MGST1: variants seen among roughly 807,000 people sequenced by gnomAD.
MGST1 encodes microsomal glutathione S-transferase 1.
In MGST1, 5 loss-of-function variants were observed where a neutral mutation model predicts 8.9. The ratio of observed to expected loss-of-function variants is 0.56; its 90% CI spans 0.29 to 1.19. The LOEUF (loss-of-function observed/expected upper bound fraction) is 1.19. Ranked by LOEUF, MGST1 falls within the 50% of genes most tolerant of loss-of-function variation. The pLI is 0.08. For missense variants in MGST1, 182 were observed against 187.4 expected (o/e 0.97, Z 0.17); for synonymous variants, 54 against 67.8 (o/e 0.80, Z 1.00).
downstream of MGST1, among the ~76,000 whole-genome samples, chr12:16,591,784 C>T (rs1943502453): frequency 6.6e-6 from 1 of 152,008 alleles, no homozygotes; most frequent in Non-Finnish European, 1.5e-5. The surrounding 1 kb of genome is among the most constrained non-coding windows in gnomAD (Gnocchi z 4.1). Context: ...CAAAATATAA[C>T]CCGTGAAGCT....
At chr12:16,368,162 T>C (rs1940227302), downstream of MGST1, among the ~76,000 whole-genome samples, 1 of 152,106 alleles carries the variant, frequency 6.6e-6, no homozygotes, top group African/African-American at 2.4e-5. Flanking sequence ...ATTCAATGAT[T>C]CTAAGGCCAG....
chr12:16,401,232 T>C lies in MGST1; in HGVS notation n.778+17628T>C, dbSNP rs1017889033. ...TGTCACTAAGGAACAGGGCATAGGTTTTCTCTTCTGGCTTTTTCCCCTCCT... is the reference window on the plus strand; with the variant it reads ...TGTCACTAAGGAACAGGGCATAGGTCTTCTCTTCTGGCTTTTTCCCCTCCT... On this transcript the variant is annotated intron_variant and non_coding_transcript_variant, in intron 1 of 1. Coordinates refer to the MGST1 transcript ENST00000359720. This position sits in a 1 kb window ranked among gnomAD's most constrained non-coding sequence, Gnocchi z 4.3. 1 of 1,569,660 alleles carries C rather than the reference T, an allele frequency of 6.4e-7. No individual in the cohort carries two copies. Among genetic ancestry groups the C allele is most frequent in the Non-Finnish European group, 8.8e-7 (1 of 1,142,030 alleles).
At position 16,544,209 on chromosome 12, in the gene MGST1, TTAAG is replaced by T. The variant is rs1271924653; in HGVS notation, n.483-45314_483-45311del. On this transcript the variant is annotated intron_variant and non_coding_transcript_variant, in intron 4 of 4. Transcript: ENST00000538857. The surrounding 1 kb of genome is among the most constrained non-coding windows in gnomAD (Gnocchi z 4.8). ...AAAACAAACTTTTTAAATTGACACC[TTAAG>T]TAAGAACTACACACACACACACACA... Among the ~76,000 whole-genome samples the T allele has an allele frequency of 2.9e-5, 4 of 140,144 alleles. No homozygotes were observed. The highest frequency in any genetic ancestry group is 7.5e-5 in the Admixed American group (1 of 13,252). The allele number at this position is 140,144 out of a possible 152,430, so 91.9% of individuals were successfully genotyped here.
intron 4 of MGST1, among the ~76,000 whole-genome samples, chr12:16,475,441 A>G (rs1427981461): frequency 2.6e-5 from 4 of 152,194 alleles, no homozygotes; most frequent in Admixed American, 2.6e-4. Flanking sequence ...TTAATTATTA[A>G]TAGATTAATG....
At chr12:16,440,672 G>C (rs1305166130), downstream of MGST1, among the ~76,000 whole-genome samples, 1 of 151,780 alleles carries the variant, frequency 6.6e-6, no homozygotes, top group East Asian at 1.9e-4. Flanking sequence ...AAGCTATTCA[G>C]TTTTCAATTA....
chr12:16,519,226 G>A (rs1358043868), intron 4 of MGST1, among the ~76,000 whole-genome samples: 1 of 152,130 alleles, frequency 6.6e-6, no homozygotes, highest in African/African-American at 2.4e-5. Context: ...TAAATATTAT[G>A]CATAAAATAC....
intron 1 of MGST1, chr12:16,399,695 G>T: frequency 2.2e-6 from 3 of 1,337,506 alleles, no homozygotes; most frequent in Non-Finnish European, 3.2e-6. Context: ...AGCCCTCAGG[G>T]TCATCAACAA....
At chr12:16,521,406 TTCC>T (rs1941647744) in intron 4 of MGST1, among the ~76,000 whole-genome samples, 1 of 152,132 alleles carries the variant, frequency 6.6e-6, no homozygotes, top group Admixed American at 6.6e-5. Flanking sequence ...CATTTTCCAC[TTCC>T]TCCTCATGTT....
At chr12:16,474,463 G>C (rs181323704) in intron 4 of MGST1, among the ~76,000 whole-genome samples, 60 of 152,172 alleles carry the variant, frequency 3.9e-4, no homozygotes, top group Admixed American at 3.8e-3. Flanking sequence ...CAAGACTCTT[G>C]GATATCAATA....
chr12:16,396,459 T>G (rs1940606764), intron 1 of MGST1, among the ~76,000 whole-genome samples: 1 of 152,018 alleles, frequency 6.6e-6, no homozygotes, highest in Non-Finnish European at 1.5e-5. Context: ...GAGAAAGAAA[T>G]AAAGGGTATC....
rs1940950973 is a variant in MGST1 at position 16,432,781 on chromosome 12, C to G, written n.779-4607C>G. Among the ~76,000 whole-genome samples, 3 of 150,218 alleles carry G rather than the reference C, an allele frequency of 2.0e-5. No homozygotes were observed. The South Asian group carries it at 6.3e-4, about 32-fold the overall frequency. On this transcript the variant is annotated intron_variant and non_coding_transcript_variant, in intron 1 of 1. Coordinates refer to the MGST1 transcript ENST00000359720. The stretch of plus-strand genomic sequence containing the variant: ...TCTCCAGAGGAAAAGAATCAATAGG[C>G]TGTGTAGATAAATAGAGAAAAAGAT...
At chr12:16,553,158 C>A (rs980522502) in intron 4 of MGST1, among the ~76,000 whole-genome samples, 4 of 152,074 alleles carry the variant, frequency 2.6e-5, no homozygotes, top group African/African-American at 9.7e-5. Flanking sequence ...TACATCCAAC[C>A]TAGAAAGTAA....
At chr12:16,357,238 T>TC (rs1939757198) in intron 2 of MGST1, among the ~76,000 whole-genome samples, 1 of 152,142 alleles carries the variant, frequency 6.6e-6, no homozygotes, top group Non-Finnish European at 1.5e-5. Flanking sequence ...AGGTAGAATA[T>TC]CCCCATGTTA....
chr12:16,591,038 A>G (rs1943481423), downstream of MGST1, among the ~76,000 whole-genome samples: 1 of 152,054 alleles, frequency 6.6e-6, no homozygotes, highest in African/African-American at 2.4e-5. This position sits in a 1 kb window ranked among gnomAD's most constrained non-coding sequence, Gnocchi z 4.1. Flanking sequence ...CAACTGCCTC[A>G]CTGAATAAGC....
chr12:16,431,003 C>T (rs1940934666), intron 1 of MGST1, among the ~76,000 whole-genome samples: 1 of 152,208 alleles, frequency 6.6e-6, no homozygotes, highest in African/African-American at 2.4e-5. Context: ...ACATAACTTG[C>T]CGAAGCTTCT....
chr12:16,457,644 C>G (rs1188220941), intron 4 of MGST1, among the ~76,000 whole-genome samples: 5 of 151,806 alleles, frequency 3.3e-5, no homozygotes, highest in African/African-American at 1.2e-4. Flanking sequence ...CTTTTTCTTT[C>G]TCTAAACCTT....
At chr12:16,574,882 C>T (rs1942941987) in intron 4 of MGST1, among the ~76,000 whole-genome samples, 1 of 152,098 alleles carries the variant, frequency 6.6e-6, no homozygotes, top group South Asian at 2.1e-4. Context: ...TAGTCATTAA[C>T]AGCAGTGATA....
At chr12:16,485,643 C>A (rs1941395004) in intron 4 of MGST1, among the ~76,000 whole-genome samples, 1 of 152,144 alleles carries the variant, frequency 6.6e-6, no homozygotes, top group African/African-American at 2.4e-5. Context: ...TACCTACCCA[C>A]ATATCTCTAG....
intron 4 of MGST1, among the ~76,000 whole-genome samples, chr12:16,563,132 T>G (rs1234855480): frequency 6.6e-6 from 1 of 152,206 alleles, no homozygotes; most frequent in Non-Finnish European, 1.5e-5. Flanking sequence ...TTATTGCCCC[T>G]TTTCCTAAGA....
Sources: allele counts gnomAD v4.1 joint callset (sites outside exome capture counted in the v4.1 genomes callset), GRCh38; gene constraint gnomAD v4.1.1; non-coding constraint Gnocchi (gnomAD v3.1); transcripts MANE v1.5; gene names NCBI Gene and HGNC (gene_info 2026-07-23, HGNC 2026-07-21).